LPP: variants seen among roughly 807,000 people sequenced by gnomAD.
LPP encodes the protein LIM domain containing preferred translocation partner in lipoma.
In LPP, 38 loss-of-function variants were observed where a neutral mutation model predicts 60.4. The observed-to-expected ratio is 0.63, with a 90% confidence interval of 0.49 to 0.83. LPP has a LOEUF of 0.83. Ranked by LOEUF, LPP falls within the 40% of genes least tolerant of loss-of-function variation. LPP has a pLI of 0.00. For synonymous variants in LPP, 328 were observed against 290.8 expected (o/e 1.13, Z -1.30); for missense variants, 902 against 783.6 (o/e 1.15, Z -1.80).
At chr3:188,754,449 A>G in intron 8 of LPP, among the ~76,000 whole-genome samples, 1 of 152,154 alleles carries the variant, frequency 6.6e-6, no homozygotes. Flanking sequence ...GTCTGTCCCC[A>G]AACTGTTTTG....
At chr3:188,643,280 A>T (rs1850511753) in intron 7 of LPP, among the ~76,000 whole-genome samples, 1 of 152,194 alleles carries the variant, frequency 6.6e-6, no homozygotes, top group South Asian at 2.1e-4. Context: ...AATTTGGTGC[A>T]TTTTTATTCT....
intron 7 of LPP, among the ~76,000 whole-genome samples, chr3:188,673,248 T>C (rs1168855271): frequency 6.6e-6 from 1 of 152,012 alleles, no homozygotes; most frequent in African/African-American, 2.4e-5. Flanking sequence ...GTTTGTTTGT[T>C]TTTAACTCTG....
intron 2 of LPP, among the ~76,000 whole-genome samples, chr3:188,278,994 T>A (rs1740993025): frequency 6.6e-6 from 1 of 152,194 alleles, no homozygotes; most frequent in Admixed American, 6.5e-5. Context: ...CCCCTGGAGG[T>A]ACATTGATAT....
At chr3:188,797,623 A>ATTGAAATGC (rs71634081) in intron 9 of LPP, among the ~76,000 whole-genome samples, 21,155 of 152,074 alleles carry the variant, frequency 0.14, 1,514 homozygotes, top group Middle Eastern at 0.19. Flanking sequence ...TGTCCCCTGC[A>ATTGAAATGC]TTGAAATGCC....
chr3:188,717,751 A>G (rs1164486721), intron 8 of LPP, among the ~76,000 whole-genome samples: 1 of 152,204 alleles, frequency 6.6e-6, no homozygotes, highest in Non-Finnish European at 1.5e-5. Flanking sequence ...ATAAATAATA[A>G]TTCTGAGCAT....
intron 9 of LPP, among the ~76,000 whole-genome samples, chr3:188,817,415 T>C (rs1752758681): frequency 6.6e-6 from 1 of 152,140 alleles, no homozygotes; most frequent in Non-Finnish European, 1.5e-5. Context: ...CGATGGAAGA[T>C]CCATTTTCAA....
chr3:188,315,156 A>T (rs963386658), intron 2 of LPP, among the ~76,000 whole-genome samples: 1 of 151,986 alleles, frequency 6.6e-6, no homozygotes, highest in African/African-American at 2.4e-5. Flanking sequence ...TAGTTTTTTT[A>T]GGGAAGTCAC....
intron 3 of LPP, among the ~76,000 whole-genome samples, chr3:188,388,737 G>A (rs1215585089): frequency 6.6e-6 from 1 of 152,120 alleles, no homozygotes; most frequent in Admixed American, 6.5e-5. Flanking sequence ...AAGTCTTCAG[G>A]CAAAGAAGAA....
intron 1 of LPP, among the ~76,000 whole-genome samples, chr3:188,161,342 C>A (rs962685586): frequency 6.6e-6 from 1 of 152,038 alleles, no homozygotes; most frequent in South Asian, 2.1e-4. Context: ...CAGCAGCGTA[C>A]GGAGGGAAAA....
chr3:188,681,408 G>C (rs1290915708), intron 7 of LPP, among the ~76,000 whole-genome samples: 3 of 152,170 alleles, frequency 2.0e-5, no homozygotes, highest in Non-Finnish European at 4.4e-5. Context: ...TCCCCTTTGA[G>C]TTACCTCCAG....
chr3:188,240,663 A>T (rs529031525), intron 2 of LPP, among the ~76,000 whole-genome samples: 1 of 151,902 alleles, frequency 6.6e-6, no homozygotes, highest in Admixed American at 6.5e-5. Context: ...TAACTATCCA[A>T]TCATGTCAAC....
At chr3:188,746,418 G>A (rs1171579878) in intron 8 of LPP, 2 of 474,756 alleles carry the variant, frequency 4.2e-6, no homozygotes, top group Non-Finnish European at 4.2e-6. Context: ...CCACAAATAT[G>A]TGCACAGTTT....
At chr3:188,498,158 T>C (rs1810784998) in intron 5 of LPP, among the ~76,000 whole-genome samples, 1 of 152,166 alleles carries the variant, frequency 6.6e-6, no homozygotes, top group Non-Finnish European at 1.5e-5. Flanking sequence ...ATGTTCTTTT[T>C]TTTCCCCCCC....
At chr3:188,219,623 A>T (rs997202067) in intron 1 of LPP, among the ~76,000 whole-genome samples, 12 of 152,088 alleles carry the variant, frequency 7.9e-5, no homozygotes, top group Non-Finnish European at 1.8e-4. Flanking sequence ...TGAAACATTT[A>T]TTACTTTTCT....
chr3:188,608,961 G>A (rs1001136138), intron 6 of LPP, among the ~76,000 whole-genome samples, 200 bp from the exon 7 acceptor site: 3 of 151,448 alleles, frequency 2.0e-5, no homozygotes, highest in Non-Finnish European at 4.4e-5. Context: ...TCTGCTATTC[G>A]TCGGCAGTGC....
intron 9 of LPP, among the ~76,000 whole-genome samples, chr3:188,864,509 G>A (rs954396860): frequency 2.0e-5 from 3 of 152,188 alleles, no homozygotes; most frequent in Admixed American, 2.0e-4. Flanking sequence ...TTTAAATAAA[G>A]TGCACACTGA....
intron 1 of LPP, among the ~76,000 whole-genome samples, chr3:188,195,661 C>G (rs904831847): frequency 8.5e-5 from 13 of 152,058 alleles, no homozygotes; most frequent in African/African-American, 3.1e-4. Context: ...ATTTCAAAGG[C>G]TTAGTATAAA....
At chr3:188,504,492 G>A (rs1028810963) in intron 5 of LPP, among the ~76,000 whole-genome samples, 77 of 151,992 alleles carry the variant, frequency 5.1e-4, no homozygotes, top group African/African-American at 1.8e-3. Context: ...TTCTTTGTAT[G>A]TCTTTTGATT....
intron 5 of LPP, among the ~76,000 whole-genome samples, chr3:188,486,528 G>A (rs923015928): frequency 1.6e-4 from 25 of 152,246 alleles, no homozygotes; most frequent in African/African-American, 5.8e-4. Flanking sequence ...GCTTAAATGA[G>A]GACTTGAAGA....
Sources: allele counts gnomAD v4.1 joint callset (sites outside exome capture counted in the v4.1 genomes callset), GRCh38; gene constraint gnomAD v4.1.1; transcripts MANE v1.5; gene names NCBI Gene and HGNC (gene_info 2026-07-23, HGNC 2026-07-21).